LRRC37A2: variants seen among roughly 807,000 people sequenced by gnomAD.
LRRC37A2 encodes leucine rich repeat containing 37 member A2.
In LRRC37A2, 9 loss-of-function variants were observed where a neutral mutation model predicts 68.8. The observed-to-expected ratio is 0.13, with a 90% CI of 0.08 to 0.23. The LOEUF (loss-of-function observed/expected upper bound fraction) is 0.23. LRRC37A2 is among the 10% of genes least tolerant of loss of function. The pLI, the probability that LRRC37A2 is intolerant of heterozygous loss-of-function variation, is 1.00. For synonymous variants in LRRC37A2, 63 were observed against 367.6 expected (o/e 0.17, Z 9.48); for missense variants, 168 against 950.4 (o/e 0.18, Z 10.82).
At chr17:46,992,926 G>C in the LRRC37A2 span, among the ~76,000 whole-genome samples, 1 of 144,230 alleles carries the variant, frequency 6.9e-6, no homozygotes, top group Non-Finnish European at 1.5e-5. Flanking sequence ...ATTAACTGAA[G>C]ACAAAGAAGA....
the LRRC37A2 span, among the ~76,000 whole-genome samples, chr17:47,000,086 T>TAA: frequency 0.065 from 741 of 11,370 alleles, 74 homozygotes; most frequent in African/African-American, 0.1. Context: ...AAAAATAAAA[T>TAA]AAAATAAAAT....
At chr17:46,887,203 C>A in the LRRC37A2 span, among the ~76,000 whole-genome samples, 3 of 152,144 alleles carry the variant, frequency 2.0e-5, no homozygotes, top group African/African-American at 7.2e-5. Context: ...GGAAGTATAG[C>A]ATTGCTCTAT....
chr17:46,889,654 G>T, the LRRC37A2 span, among the ~76,000 whole-genome samples: 1 of 152,182 alleles, frequency 6.6e-6, no homozygotes, highest in African/African-American at 2.4e-5. Flanking sequence ...AACCCTGGAT[G>T]GAGGGGGTCC....
the LRRC37A2 span, among the ~76,000 whole-genome samples, chr17:46,958,948 A>G: frequency 8.5e-5 from 13 of 152,352 alleles, no homozygotes; most frequent in African/African-American, 2.4e-4. Flanking sequence ...GAATAGCATG[A>G]GATGGGAAAT....
At chr17:46,935,624 G>A in the LRRC37A2 span, 6 of 1,044,526 alleles carry the variant, frequency 5.7e-6, no homozygotes, top group Non-Finnish European at 6.9e-6. Context: ...TCCCCACTGT[G>A]CAGTGTTAGG....
chr17:46,777,644 C>G, the LRRC37A2 span, among the ~76,000 whole-genome samples: 1 of 152,278 alleles, frequency 6.6e-6, no homozygotes, highest in African/African-American at 2.4e-5. Context: ...TTATGTAGCA[C>G]TTGCTCTGTG....
the LRRC37A2 span, among the ~76,000 whole-genome samples, chr17:46,944,524 G>A: frequency 6.6e-6 from 1 of 152,324 alleles, no homozygotes; most frequent in South Asian, 2.1e-4. Flanking sequence ...CAGAGAGTTT[G>A]GAAGTCCCGA....
chr17:46,755,357 G>T, the LRRC37A2 span: 3 of 1,613,346 alleles, frequency 1.9e-6, no homozygotes, highest in Non-Finnish European at 2.5e-6. Context: ...GCCCTCTTAA[G>T]AGAAGAAGGA....
the LRRC37A2 span, among the ~76,000 whole-genome samples, chr17:47,030,243 C>T: frequency 0.019 from 2,807 of 151,286 alleles, 42 homozygotes; most frequent in Middle Eastern, 0.075. Context: ...GTGCCATGTC[C>T]ATTTGTGCCA....
the LRRC37A2 span, among the ~76,000 whole-genome samples, chr17:46,719,085 A>G: frequency 2.0e-5 from 3 of 152,174 alleles, no homozygotes; most frequent in African/African-American, 7.2e-5. The surrounding 1 kb of genome is among the most constrained non-coding windows in gnomAD (Gnocchi z 4.3). Context: ...CCCGTACTTG[A>G]TATTATTAAA....
chr17:46,975,702 G>A, the LRRC37A2 span, among the ~76,000 whole-genome samples: 3 of 152,108 alleles, frequency 2.0e-5, no homozygotes, highest in Admixed American at 1.3e-4. Context: ...CTCACACCAT[G>A]TGCCCACGTG....
At chr17:46,946,728 TG>T in the LRRC37A2 span, among the ~76,000 whole-genome samples, 1 of 151,950 alleles carries the variant, frequency 6.6e-6, no homozygotes. Flanking sequence ...CCAGGCAAGT[TG>T]GTGTGCGCCT....
chr17:46,703,636 G>A, the LRRC37A2 span, among the ~76,000 whole-genome samples: 2 of 136,512 alleles, frequency 1.5e-5, no homozygotes, highest in South Asian at 2.3e-4. Flanking sequence ...GTCCGAGATC[G>A]CGCCACTGCA....
At chr17:47,027,338 A>C in the LRRC37A2 span, among the ~76,000 whole-genome samples, 981 of 152,280 alleles carry the variant, frequency 6.4e-3, 7 homozygotes, top group African/African-American at 0.022. Flanking sequence ...AATTAATTCC[A>C]AAGTCTATTA....
At chr17:46,779,053 T>TCACAAACA in the LRRC37A2 span, among the ~76,000 whole-genome samples, 1 of 100,612 alleles carries the variant, frequency 9.9e-6, no homozygotes, top group African/African-American at 4.5e-5. Context: ...CCCTACCCCA[T>TCACAAACA]CACACACACA....
At chr17:46,502,911 G>A in the LRRC37A2 span, among the ~76,000 whole-genome samples, 4 of 150,668 alleles carry the variant, frequency 2.7e-5, no homozygotes, top group South Asian at 6.2e-4. Context: ...AGCACTCAAC[G>A]TTTAAAAATT....
At chr17:46,532,816 A>G (rs2053897805) in intron 6 of LRRC37A2, among the ~76,000 whole-genome samples, 1 of 149,362 alleles carries the variant, frequency 6.7e-6, no homozygotes, top group African/African-American at 2.6e-5. Flanking sequence ...GGTCTTCTGT[A>G]TTTTTGCAGT....
chr17:46,978,509 C>G, the LRRC37A2 span: 1 of 1,076,374 alleles, frequency 9.3e-7, no homozygotes, highest in Non-Finnish European at 1.3e-6. Context: ...ACAGTCTCGC[C>G]GCGTCCCCGC....
chr17:46,946,452 ACTCCGT>A, the LRRC37A2 span, among the ~76,000 whole-genome samples: 1 of 127,992 alleles, frequency 7.8e-6, no homozygotes. Flanking sequence ...GAAGAGCAAA[ACTCCGT>A]CTCAAAAAAA....
Sources: gnomAD v4.1 joint callset for allele counts (sites outside exome capture counted in the v4.1 genomes callset) on GRCh38, gnomAD v4.1.1 for gene constraint, Gnocchi (gnomAD v3.1) non-coding constraint, MANE v1.5 for transcripts, NCBI Gene and HGNC (gene_info 2026-07-23, HGNC 2026-07-21) for gene names.